The following CHRDL1 variants were observed in gnomAD, a reference collection of about 807,000 sequenced individuals.
CHRDL1 encodes chordin-like protein 1.
A neutral mutation model predicts 40.9 loss-of-function variants in CHRDL1; 19 were observed. That is an observed-to-expected ratio of 0.46 (90% CI 0.32 to 0.68). CHRDL1 has a LOEUF of 0.68. CHRDL1 is among the 30% of genes least tolerant of loss of function. The pLI is 0.03. For missense variants in CHRDL1, 329 were observed against 352.1 expected (o/e 0.93, Z 0.53); for synonymous variants, 136 against 123.4 (o/e 1.10, Z -0.68).
At chrX:110,754,036 G>A (rs977602926) in intron 4 of CHRDL1, among the ~76,000 whole-genome samples, 4 of 112,350 alleles carry the variant, frequency 3.6e-5, no homozygotes, top group African/African-American at 1.3e-4. Flanking sequence ...TAAAAGCCAA[G>A]TACACTAACT....
At chrX:110,768,137 C>T (rs2089694340) in intron 2 of CHRDL1, among the ~76,000 whole-genome samples, 1 of 112,080 alleles carries the variant, frequency 8.9e-6, no homozygotes, top group Non-Finnish European at 1.9e-5. Flanking sequence ...AGAACATTCT[C>T]AGAGCTGTTG....
At chrX:110,734,079 T>A (rs2071220882) in intron 4 of CHRDL1, among the ~76,000 whole-genome samples, 2 of 111,536 alleles carry the variant, frequency 1.8e-5, no homozygotes, top group African/African-American at 6.5e-5. Flanking sequence ...GATTCTTCAT[T>A]TAAGGGCAGA....
At position 110,703,510 on chromosome X, in the gene CHRDL1, A is replaced by G. The variant is rs1463535307; in HGVS notation, c.542-2789T>C. ...AAATTATGCCCAAGAGTCAGTTAAC[A>G]TGCTTTGAACACTTCTTGGGTGAAG... is the stretch of plus-strand genomic sequence containing the variant. On this transcript the variant is annotated intron_variant, in intron 6 of 11. Transcript: ENST00000372042. Among the ~76,000 whole-genome samples the G allele has an allele frequency of 2.7e-5, 3 of 111,936 alleles. No homozygotes were observed. In the Admixed American group the frequency reaches 2.9e-4, roughly 11 times the overall value.
At chrX:110,694,807 A>T (rs181526711) in intron 7 of CHRDL1, among the ~76,000 whole-genome samples, 6 of 112,130 alleles carry the variant, frequency 5.4e-5, no homozygotes, top group African/African-American at 1.9e-4. Context: ...AAGGATGGGT[A>T]GACTTTTTTA....
intron 2 of CHRDL1, among the ~76,000 whole-genome samples, chrX:110,784,533 T>TGAGTAG (rs2089988310): frequency 2.8e-5 from 3 of 108,730 alleles, no homozygotes; most frequent in Non-Finnish European, 3.8e-5. Flanking sequence ...TGCCTCAGCC[T>TGAGTAG]CCCGAGTAGC....
At chrX:110,770,636 TAAAA>T (rs915072821) in intron 2 of CHRDL1, among the ~76,000 whole-genome samples, 2 of 110,910 alleles carry the variant, frequency 1.8e-5, no homozygotes, top group Non-Finnish European at 3.8e-5. Flanking sequence ...CCCCTATAGA[TAAAA>T]AGAGAGAAGA....
rs760623936 is a variant in CHRDL1, at chrX:110,721,293, T to C, written c.447+92A>G. ...GCAAGTCATGTTTTATTCAAACACC[T>C]TACAGTGCAGGCACAAATGAAAGTA... is the stretch of plus-strand genomic sequence containing the variant. On this transcript the variant is annotated intron_variant, in intron 5 of 11. Coordinates refer to ENST00000372042, the MANE Select transcript of CHRDL1 (RefSeq NM_001143981.2). The C allele has an allele frequency of 9.2e-6, 8 of 871,094 alleles. No homozygotes were observed. In the East Asian group the frequency reaches 2.5e-4, roughly 27 times the overall value. 71.8% of individuals were successfully genotyped at this position (871,094 alleles called of 1,213,427 possible).
intron 2 of CHRDL1, among the ~76,000 whole-genome samples, chrX:110,782,132 C>A (rs765895422): frequency 1.8e-5 from 2 of 111,897 alleles, no homozygotes; most frequent in Non-Finnish European, 1.9e-5. Context: ...AAATATAGAG[C>A]CAGATGAGAA....
chrX:110,763,538 C>CATATATAT (rs750708016), intron 2 of CHRDL1, among the ~76,000 whole-genome samples: 5 of 98,312 alleles, frequency 5.1e-5, no homozygotes, highest in Non-Finnish European at 8.2e-5. Flanking sequence ...TCAATAGAAA[C>CATATATAT]ATATATATAT....
At chrX:110,737,675 T>C (rs980355899) in intron 4 of CHRDL1, among the ~76,000 whole-genome samples, 1 of 111,961 alleles carries the variant, frequency 8.9e-6, no homozygotes, top group Admixed American at 9.5e-5. Context: ...ACATATGTCA[T>C]ATTTGTTCCA....
At chrX:110,689,072 G>GTGTA (rs1491356112) in intron 8 of CHRDL1, among the ~76,000 whole-genome samples, 1 of 31,164 alleles carries the variant, frequency 3.2e-5, no homozygotes, top group South Asian at 1.8e-3. Flanking sequence ...ATATATATAT[G>GTGTA]TATATATATA....
intron 4 of CHRDL1, among the ~76,000 whole-genome samples, chrX:110,754,249 A>G (rs1341872267): frequency 8.9e-6 from 1 of 112,498 alleles, no homozygotes; most frequent in Non-Finnish European, 1.9e-5. Context: ...TGAAGTCTAG[A>G]AGTCTATATT....
At chrX:110,773,723 C>CAAAAA (rs1171179610) in intron 2 of CHRDL1, among the ~76,000 whole-genome samples, 1 of 35,344 alleles carries the variant, frequency 2.8e-5, no homozygotes, top group Non-Finnish European at 5.5e-5. Flanking sequence ...GAGACTGCCT[C>CAAAAA]AAAAAAAAAA....
intron 6 of CHRDL1, among the ~76,000 whole-genome samples, chrX:110,703,849 C>A (rs2070567449): frequency 9.0e-6 from 1 of 111,440 alleles, no homozygotes; most frequent in Non-Finnish European, 1.9e-5. Context: ...GGCAAAGGAC[C>A]AGAGCTTTGT....
At chrX:110,774,443 C>CT (rs1389854093) in intron 2 of CHRDL1, among the ~76,000 whole-genome samples, 15 of 104,789 alleles carry the variant, frequency 1.4e-4, no homozygotes, top group African/African-American at 2.1e-4. Flanking sequence ...TATGTGGTAT[C>CT]TTTTTTTTTT....
chrX:110,784,726 G>C (rs1307373383), intron 2 of CHRDL1, among the ~76,000 whole-genome samples: 1 of 111,512 alleles, frequency 9.0e-6, no homozygotes, highest in Non-Finnish European at 1.9e-5. Flanking sequence ...CCTATTAGCA[G>C]GTGGGCAAAC....
chrX:110,716,992 T>C (rs2070854620), intron 6 of CHRDL1, among the ~76,000 whole-genome samples: 1 of 111,645 alleles, frequency 9.0e-6, no homozygotes, highest in African/African-American at 3.3e-5. Flanking sequence ...CTGAAATTGG[T>C]TGCTTTTCCA....
At chrX:110,728,565 C>G (rs1029726762) in intron 4 of CHRDL1, among the ~76,000 whole-genome samples, 3 of 111,556 alleles carry the variant, frequency 2.7e-5, no homozygotes, top group African/African-American at 9.8e-5. Flanking sequence ...TTCTCTCCAC[C>G]GACATCATTG....
chrX:110,705,803 T>C (rs1051985282), intron 6 of CHRDL1, among the ~76,000 whole-genome samples: 4 of 108,811 alleles, frequency 3.7e-5, no homozygotes, highest in Non-Finnish European at 7.6e-5. Context: ...ACACTATATT[T>C]ATATATAAGA....
Sources: allele counts gnomAD v4.1 joint callset (sites outside exome capture counted in the v4.1 genomes callset), GRCh38; gene constraint gnomAD v4.1.1; transcripts MANE v1.5; gene names NCBI Gene and HGNC (gene_info 2026-07-23, HGNC 2026-07-21).